Variants in LAMA1 observed in about 807,000 individuals in gnomAD.
LAMA1 encodes laminin subunit alpha 1.
In LAMA1, 219 loss-of-function variants were observed where a neutral mutation model predicts 348.7. The ratio of observed to expected loss-of-function variants is 0.63; its 90% confidence interval spans 0.56 to 0.70. The LOEUF (loss-of-function observed/expected upper bound fraction) is 0.70. Ranked by LOEUF, LAMA1 falls within the 30% of genes least tolerant of loss-of-function variation. The pLI is 0.00. For synonymous variants in LAMA1, 1,487 were observed against 1,491.0 expected (o/e 1.00, Z 0.06); for missense variants, 3,744 against 3,888.0 (o/e 0.96, Z 0.99).
At chr18:7,069,340 C>T (rs904748348) in intron 3 of LAMA1, among the ~76,000 whole-genome samples, 1 of 152,218 alleles carries the variant, frequency 6.6e-6, no homozygotes, top group Admixed American at 6.5e-5. Flanking sequence ...ATAAGCTCTT[C>T]ACCTCACCTA....
At chr18:7,110,637 C>A (rs971161150) in intron 1 of LAMA1, among the ~76,000 whole-genome samples, 3 of 152,120 alleles carry the variant, frequency 2.0e-5, no homozygotes, top group Non-Finnish European at 4.4e-5. Context: ...GCCTGGCCAA[C>A]ACGGCAAAAC....
chr18:7,085,640 G>T (rs7230168), intron 1 of LAMA1, among the ~76,000 whole-genome samples: 90 of 151,920 alleles, frequency 5.9e-4, no homozygotes, highest in East Asian at 3.3e-3. Flanking sequence ...GGATGGTCTC[G>T]ATCTCCTGAC....
intron 16 of LAMA1, among the ~76,000 whole-genome samples, chr18:7,030,303 G>A (rs1179162045): frequency 6.6e-6 from 1 of 152,170 alleles, no homozygotes; most frequent in Non-Finnish European, 1.5e-5. Flanking sequence ...CTGGCTGGGG[G>A]ACATTCCACA....
At chr18:7,041,910 A>G (rs1386210319) in intron 9 of LAMA1, among the ~76,000 whole-genome samples, 2 of 152,064 alleles carry the variant, frequency 1.3e-5, no homozygotes, top group East Asian at 1.9e-4. Flanking sequence ...TATATTACCC[A>G]TGTACCTGTT....
At chr18:7,008,723 G>T in intron 27 of LAMA1, 115 bp from the exon 28 acceptor site, 1 of 1,230,400 alleles carries the variant, frequency 8.1e-7, no homozygotes, top group Non-Finnish European at 1.2e-6. Flanking sequence ...TTCCCTGTTT[G>T]GAGTAGTTCC....
chr18:7,096,852 C>T (rs62083499), intron 1 of LAMA1, among the ~76,000 whole-genome samples: 35,679 of 152,144 alleles, frequency 0.23, 4,697 homozygotes, highest in South Asian at 0.34. Context: ...AACTGGCAAG[C>T]TTTTCTTTAG....
chr18:6,965,431 T>G lies in LAMA1; in HGVS notation c.7052A>C (p.Lys2351Thr). Residue 2351 changes from lysine (K) to threonine (T), a missense_variant and splice_region_variant, in exon 50 of 63, where the codon AAA becomes ACA. Physicochemically the swap from Lys to Thr is moderately conservative, Grantham distance 78. Around this residue, in one of 3 missense-constraint regions of LAMA1, gnomAD observed 1,983 missense variants for 1,934.3 expected, o/e 1.03. Transcript: ENST00000389658. ...LLLYLGSYGTKDFLSIELFRG... is the reference protein window; with the variant it reads ...LLLYLGSYGTTDFLSIELFRG... ...AAACAGCTCGATGGATAAAAAGTCT[T>G]TCTGTAAAAAAGAGAACACAGTTCC... 1.2e-6 allele frequency: 2 copies of G among 1,614,142 alleles called. No individual in the cohort carries two copies. Among genetic ancestry groups the G allele is most frequent in the Non-Finnish European group, 1.7e-6 (2 of 1,180,008 alleles).
intron 8 of LAMA1, chr18:7,042,906 G>A: frequency 3.6e-6 from 1 of 279,806 alleles, no homozygotes; most frequent in Non-Finnish European, 6.7e-6. Context: ...AAAAAAAAAA[G>A]ATTGGCTGAA....
chr18:6,961,518 A>G, intron 53 of LAMA1, 68 bp downstream of exon 53: 2 of 1,576,960 alleles, frequency 1.3e-6, no homozygotes, highest in Non-Finnish European at 1.7e-6. Flanking sequence ...TGAGTCAGTC[A>G]TTTTCCACTC....
chr18:6,978,193 T>C lies in LAMA1; in HGVS notation c.6190+3A>G, dbSNP rs1297433436. 6.2e-7 allele frequency: 1 copy of C among 1,614,108 alleles called. No homozygotes were observed. Among genetic ancestry groups the C allele is most frequent in the Non-Finnish European group, 8.5e-7 (1 of 1,180,034 alleles). ...ATGACTGGAAGGAAGGGCGCTGACA[T>C]ACTGGCCATGGTGGAGTCCTGCAGA... On this transcript the variant is annotated splice_donor_region_variant and intron_variant, in intron 43 of 62. Transcript: ENST00000389658.
chr18:7,076,465 G>C (rs7228959), intron 3 of LAMA1, among the ~76,000 whole-genome samples: 1 of 151,868 alleles, frequency 6.6e-6, no homozygotes, highest in Non-Finnish European at 1.5e-5. Flanking sequence ...GAAATAGAGA[G>C]CACAGAAGAA....
Position 6,958,466 on chromosome 18 carries a change from G to T in LAMA1, c.7964+11C>A. The T allele has an allele frequency of 6.2e-7, 1 of 1,613,832 alleles. No individual in the cohort carries two copies. The highest frequency in any genetic ancestry group is 8.5e-7 in the Non-Finnish European group (1 of 1,179,752). ...AAAGTGCAAGAACATGCAGAGAGCA[G>T]GTACACTTACTCCAAATTGAAGATC... On this transcript the variant is annotated intron_variant, in intron 55 of 62. Transcript: ENST00000389658.
chr18:7,045,896 G>A (rs984847153), intron 6 of LAMA1, among the ~76,000 whole-genome samples: 1 of 151,342 alleles, frequency 6.6e-6, no homozygotes. Flanking sequence ...CGGAAGGGGA[G>A]AAAATAGGAA....
intron 53 of LAMA1, chr18:6,960,351 G>GA (rs773270569): frequency 6.6e-6 from 1 of 152,244 alleles, no homozygotes; most frequent in Non-Finnish European, 1.5e-5. Context: ...AAAAAGGAAT[G>GA]AAGTACTGAT....
At chr18:6,950,679 T>G (rs2057542382) in intron 58 of LAMA1, 103 bp downstream of exon 58, 8 of 1,299,056 alleles carry the variant, frequency 6.2e-6, no homozygotes, top group East Asian at 2.3e-5. Flanking sequence ...CACGGCGAGA[T>G]AGAGATTAAT....
At chr18:6,972,273 T>G (rs2144029947) in intron 47 of LAMA1, 1 of 395,394 alleles carries the variant, frequency 2.5e-6, no homozygotes, top group East Asian at 6.0e-5. Context: ...AGAATGTGAT[T>G]GGTAGTGAGG....
intron 40 of LAMA1, among the ~76,000 whole-genome samples, 165 bp from the exon 41 acceptor site, chr18:6,982,755 CAA>C (rs898777264): frequency 6.6e-6 from 1 of 152,102 alleles, no homozygotes; most frequent in Non-Finnish European, 1.5e-5. Context: ...CAAGAGAAAA[CAA>C]AGACATTTTT....
chr18:7,113,196 A>G (rs759600623), intron 1 of LAMA1, among the ~76,000 whole-genome samples: 1 of 152,232 alleles, frequency 6.6e-6, no homozygotes, highest in Non-Finnish European at 1.5e-5. Context: ...ACTTCAGCAG[A>G]GAGAGAGCTG....
At chr18:6,996,366 AG>A (rs1160506334) in intron 33 of LAMA1, among the ~76,000 whole-genome samples, 1 of 152,206 alleles carries the variant, frequency 6.6e-6, no homozygotes, top group Non-Finnish European at 1.5e-5. Flanking sequence ...ATCTAAGAAA[AG>A]GCATTTAGGA....
Sources: gnomAD v4.1 joint callset for allele counts (sites outside exome capture counted in the v4.1 genomes callset) on GRCh38, gnomAD v4.1.1 for gene constraint, gnomAD v4.1.1 regional missense constraint, MANE v1.5 for transcripts, NCBI Gene and HGNC (gene_info 2026-07-23, HGNC 2026-07-21) for gene names.